JAM2: variants seen among roughly 807,000 people sequenced by gnomAD.
JAM2 encodes junctional adhesion molecule 2, also known as junctional adhesion molecule B.
A neutral mutation model predicts 42.0 loss-of-function variants in JAM2; 17 were observed. The observed-to-expected ratio is 0.40, with a 90% CI of 0.28 to 0.61. The LOEUF (loss-of-function observed/expected upper bound fraction) is 0.61. Ranked by LOEUF, JAM2 falls within the 20% of genes least tolerant of loss-of-function variation. The pLI is 0.37. For synonymous variants in JAM2, 118 were observed against 128.6 expected, an observed-to-expected ratio of 0.92 and a Z score of 0.56; for missense variants, 319 against 358.3, an observed-to-expected ratio of 0.89 and a Z score of 0.89.
chr21:25,712,478 T>G, intron 9 of JAM2, 96 bp downstream of exon 9: 1 of 851,036 alleles, frequency 1.2e-6, no homozygotes, highest in Non-Finnish European at 1.9e-6. Flanking sequence ...TTTTCACTTT[T>G]AATACACTTT....
At chr21:25,704,642 TTA>T (rs2034234605) in intron 6 of JAM2, among the ~76,000 whole-genome samples, 1 of 152,222 alleles carries the variant, frequency 6.6e-6, no homozygotes, top group African/African-American at 2.4e-5. Context: ...AATTGCTCCT[TTA>T]ATAAATACAT....
intron 1 of JAM2, among the ~76,000 whole-genome samples, chr21:25,656,812 GAACA>G (rs1174310578): frequency 6.6e-6 from 1 of 152,090 alleles, no homozygotes; most frequent in African/African-American, 2.4e-5. Flanking sequence ...CTAATAATTT[GAACA>G]ATCACATATT....
chr21:25,705,791 T>C (rs1315932006), intron 6 of JAM2, among the ~76,000 whole-genome samples, 188 bp from the exon 7 acceptor site: 2 of 152,236 alleles, frequency 1.3e-5, no homozygotes, highest in Non-Finnish European at 2.9e-5. Context: ...GCTTAAGTTC[T>C]GTTAATATTT....
intron 1 of JAM2, among the ~76,000 whole-genome samples, chr21:25,650,007 T>G (rs1417261636): frequency 6.6e-6 from 1 of 152,196 alleles, no homozygotes; most frequent in Non-Finnish European, 1.5e-5. Context: ...CAGTTACTAA[T>G]CTAGTCCCAT....
intron 8 of JAM2, among the ~76,000 whole-genome samples, chr21:25,710,734 G>C (rs1036585685): frequency 1.3e-4 from 20 of 152,208 alleles, no homozygotes; most frequent in Non-Finnish European, 1.5e-5. Context: ...ATTGTAAGGA[G>C]TCCCTTTTAG....
Position 25,714,718 on chromosome 21 carries a change from T to C in JAM2, c.*46T>C, listed in dbSNP as rs778019692. On this transcript the variant is annotated 3_prime_UTR_variant, in exon 10 of 10. Coordinates refer to ENST00000480456, the MANE Select transcript of JAM2 (RefSeq NM_021219.4). ...ACCAAAGCCACCGTTGTTACACAAGTTATTAAACTATTATAAAACTCTGCT... is the reference window on the plus strand; with the variant it reads ...ACCAAAGCCACCGTTGTTACACAAGCTATTAAACTATTATAAAACTCTGCT... 2 of 1,249,584 alleles carry C rather than the reference T, an allele frequency of 1.6e-6. No homozygotes were observed. Among genetic ancestry groups the C allele is most frequent in the East Asian group, 5.3e-5 (2 of 37,484 alleles). 77.4% of individuals were successfully genotyped at this position (1,249,584 alleles called of 1,614,324 possible).
intron 1 of JAM2, among the ~76,000 whole-genome samples, chr21:25,675,550 G>GGGAA (rs1009343994): frequency 2.0e-4 from 30 of 148,548 alleles, no homozygotes; most frequent in South Asian, 4.4e-4. Context: ...GAGGAAGGAG[G>GGGAA]GGAAGGAAGG....
chr21:25,706,912 G>C (rs2034283923), intron 7 of JAM2, among the ~76,000 whole-genome samples: 1 of 151,964 alleles, frequency 6.6e-6, no homozygotes, highest in Non-Finnish European at 1.5e-5. Context: ...GCTAATTTTT[G>C]TATTTTTAGT....
Position 25,702,209 on chromosome 21 carries a change from T to G in JAM2, c.637T>G (p.Ser213Ala), listed in dbSNP as rs1169774084. 6.3e-7 allele frequency: 1 copy of G among 1,598,266 alleles called. No individual in the cohort carries two copies. The highest frequency in any genetic ancestry group is 8.6e-7 in the Non-Finnish European group (1 of 1,168,158). ...TTCCAAACTGGACACTGGAGAATATTCCTGTGAAGCCCGCAATTCTGTTGG... is the reference window on the plus strand; with the variant it reads ...TTCCAAACTGGACACTGGAGAATATGCCTGTGAAGCCCGCAATTCTGTTGG... ...TVSKLDTGEY[S>A]CEARNSVGYR... Residue 213 changes from serine to alanine, a missense_variant, in exon 6 of 10, where the codon TCC becomes GCC. By Grantham distance (99) the Ser-to-Ala change is moderately conservative. Transcript: ENST00000480456.
At chr21:25,700,593 T>G (rs1441089817) in intron 5 of JAM2, among the ~76,000 whole-genome samples, 1 of 152,158 alleles carries the variant, frequency 6.6e-6, no homozygotes, top group African/African-American at 2.4e-5. Flanking sequence ...ACTCCTGACC[T>G]CAAGTGATCG....
At position 25,653,361 on chromosome 21, in the gene JAM2, A is replaced by G. The variant is rs76560708; in HGVS notation, c.67+13473A>G. ...GACACCTGACTCCAGTTTTAAGGTT[A>G]GGCAATTTAAGATGAGCCTGGGACG... On this transcript the variant is annotated intron_variant, in intron 1 of 9. Coordinates refer to ENST00000480456, the MANE Select transcript of JAM2 (RefSeq NM_021219.4). 1.1e-3 allele frequency among the ~76,000 whole-genome samples: 165 copies of G among 152,338 alleles called. 2 individuals are homozygous for G. The East Asian group carries it at 0.028, about 26-fold the overall frequency.
chr21:25,659,009 C>T (rs1326732814), intron 1 of JAM2, among the ~76,000 whole-genome samples: 3 of 152,180 alleles, frequency 2.0e-5, no homozygotes, highest in African/African-American at 7.2e-5. Flanking sequence ...TCTCTCACCA[C>T]ATATAAATGC....
intron 1 of JAM2, among the ~76,000 whole-genome samples, chr21:25,641,972 G>C (rs1206976180): frequency 6.6e-6 from 1 of 152,072 alleles, no homozygotes; most frequent in Non-Finnish European, 1.5e-5. Context: ...GGGGTTATAG[G>C]TTTTTTGGAG....
intron 1 of JAM2, among the ~76,000 whole-genome samples, chr21:25,683,065 G>T (rs1260457120): frequency 6.6e-6 from 1 of 152,190 alleles, no homozygotes; most frequent in Non-Finnish European, 1.5e-5. Flanking sequence ...TTTGGGGCAT[G>T]AAAACAGGAA....
chr21:25,698,636 A>C (rs763747507), intron 4 of JAM2, 41 bp from the exon 5 acceptor site: 2 of 1,532,966 alleles, frequency 1.3e-6, no homozygotes, highest in Non-Finnish European at 9.0e-7. Context: ...AACCTTGATT[A>C]GCTTATAAAT....
intron 4 of JAM2, among the ~76,000 whole-genome samples, chr21:25,694,880 G>C (rs2033966048): frequency 6.6e-6 from 1 of 150,692 alleles, no homozygotes. Flanking sequence ...AACAGCTCAA[G>C]ATGGTAGTTT....
intron 1 of JAM2, among the ~76,000 whole-genome samples, chr21:25,678,982 TG>T (rs1429731365): frequency 2.0e-5 from 3 of 152,140 alleles, no homozygotes; most frequent in African/African-American, 7.2e-5. Flanking sequence ...AAAAATTTTT[TG>T]TAGAGATGGG....
chr21:25,651,063 A>T (rs1260762622), intron 1 of JAM2, among the ~76,000 whole-genome samples: 1 of 10,140 alleles, frequency 9.9e-5, no homozygotes, highest in East Asian at 0.024. Flanking sequence ...CCCCCCGCCA[A>T]AAAAAAAAAA....
intron 2 of JAM2, among the ~76,000 whole-genome samples, chr21:25,686,442 G>T (rs1346007664): frequency 2.8e-5 from 4 of 142,646 alleles, no homozygotes; most frequent in African/African-American, 1.1e-4. Context: ...TATGATTTGT[G>T]TATATGTGTA....
Sources: allele counts gnomAD v4.1 joint callset (sites outside exome capture counted in the v4.1 genomes callset), GRCh38; gene constraint gnomAD v4.1.1; transcripts MANE v1.5; gene names NCBI Gene and HGNC (gene_info 2026-07-23, HGNC 2026-07-21).